Variants in AK6 observed in about 807,000 individuals in gnomAD.
AK6 encodes adenylate kinase isoenzyme 6.
AK6 carries 24 observed loss-of-function variants against 23.7 expected under a neutral mutation model. That is an observed-to-expected ratio of 1.01 (90% CI 0.73 to 1.43). AK6 has a LOEUF of 1.43. AK6 is among the 40% of genes most tolerant of loss of function. The pLI is 0.00. For synonymous variants in AK6, 73 were observed against 69.8 expected, an observed-to-expected ratio of 1.05 and a Z score of -0.23; for missense variants, 191 against 199.1, an observed-to-expected ratio of 0.96 and a Z score of 0.24.
intron 2 of AK6, among the ~76,000 whole-genome samples, chr5:69,363,214 C>G (rs938357633): frequency 1.3e-5 from 2 of 152,076 alleles, no homozygotes; most frequent in Non-Finnish European, 1.5e-5. Flanking sequence ...GGCAACAGAG[C>G]AAGACTCTGT....
intron 1 of AK6, chr5:69,366,946 A>G: frequency 4.7e-6 from 1 of 213,626 alleles, no homozygotes; most frequent in Non-Finnish European, 9.7e-6. Flanking sequence ...TTCAGTAGAG[A>G]CCGGGTTTCA....
upstream of AK6, chr5:69,369,642 C>G (rs771637150): frequency 6.4e-7 from 1 of 1,563,314 alleles, no homozygotes; most frequent in Non-Finnish European, 8.7e-7. Context: ...GGCCCAGCCG[C>G]GGCCCACTGG....
intron 1 of AK6, 91 bp from the exon 2 acceptor site, chr5:69,366,686 A>T: frequency 1.1e-5 from 11 of 969,954 alleles, no homozygotes; most frequent in Non-Finnish European, 1.6e-5. Flanking sequence ...TTTTTGAGAC[A>T]GAGTCTCACC....
Position 69,352,221 on chromosome 5 carries a change from A to G in AK6, c.359T>C (p.Ile120Thr). The G allele has an allele frequency of 6.2e-7, 1 of 1,613,580 alleles. No homozygotes were observed. The highest frequency in any genetic ancestry group is 8.5e-7 in the Non-Finnish European group (1 of 1,179,730). The change falls in exon 5 of 5, where the codon ATT becomes ACT. Residue 120 changes from isoleucine (I) to threonine (T), a missense_variant. Coordinates refer to ENST00000380822, the MANE Select transcript of AK6 (RefSeq NM_016283.5). ...AAGAACTTGAAAAATCTCACACTGA[A>G]TATTGTCTGTTAGTTTCTTCTCATT... Reference protein sequence around the residue: ...GYNEKKLTDNIQCEIFQVLYE... With the variant: ...GYNEKKLTDNTQCEIFQVLYE...
chr5:69,369,457 C>T lies in AK6; in HGVS notation c.28+6G>A. The T allele has an allele frequency of 6.2e-7, 1 of 1,610,518 alleles. No homozygotes were observed. The highest frequency in any genetic ancestry group is 1.1e-5 in the South Asian group (1 of 90,818). The stretch of plus-strand genomic sequence containing the variant: ...AGCCCAGTCCCTCCCGGCCGCGCGC[C>T]CTGACCGGTGAGCAGGATGTTCGGA... On this transcript the variant is annotated splice_donor_region_variant and intron_variant, in intron 1 of 4. Transcript: ENST00000380822.
In AK6 at chr5:69,351,965, CATG is replaced by C; in HGVS notation, c.*93_*95del. 1 of 1,089,486 alleles carries C rather than the reference CATG, an allele frequency of 9.2e-7. No individual in the cohort carries two copies. The highest frequency in any genetic ancestry group is 1.3e-6 in the Non-Finnish European group (1 of 772,286). The allele number at this position is 1,089,486 out of a possible 1,614,324, so 67.5% of individuals were successfully genotyped here. The stretch of plus-strand genomic sequence containing the variant: ...TACTATCCACCTGCTGGTTCTGCAA[CATG>C]ATTTTAATAAAGTGTTACTGACACT... On this transcript the variant is annotated 3_prime_UTR_variant, in exon 5 of 5. Coordinates refer to ENST00000380822, the MANE Select transcript of AK6 (RefSeq NM_016283.5).
upstream of AK6, chr5:69,369,627 C>T (rs1762785083): frequency 6.4e-7 from 1 of 1,570,410 alleles, no homozygotes. Flanking sequence ...CTAGCCTGCC[C>T]CGGCGGCCCA....
chr5:69,364,841 T>C, intron 2 of AK6: 1 of 1,011,898 alleles, frequency 9.9e-7, no homozygotes, highest in East Asian at 2.4e-5. Context: ...CTCATTATTA[T>C]TAGTTTTCTA....
intron 1 of AK6, chr5:69,369,243 C>CCCCCCCCCCCGCCCA: frequency 3.8e-6 from 1 of 261,300 alleles, no homozygotes; most frequent in South Asian, 1.2e-4. Context: ...CCCGCCCCCC[C>CCCCCCCCCCCGCCCA]CCGGAGCCTC....
intron 2 of AK6, among the ~76,000 whole-genome samples, chr5:69,359,594 G>A (rs979600186): frequency 6.6e-6 from 1 of 152,124 alleles, no homozygotes; most frequent in Non-Finnish European, 1.5e-5. Context: ...CTTCCCAGCT[G>A]CTGCTGTTTG....
chr5:69,354,493 G>T (rs925971623), intron 4 of AK6, among the ~76,000 whole-genome samples: 3 of 152,196 alleles, frequency 2.0e-5, no homozygotes, highest in Non-Finnish European at 4.4e-5. Flanking sequence ...AAATTCTGGA[G>T]CTTTCCTTTC....
intron 2 of AK6, among the ~76,000 whole-genome samples, chr5:69,359,264 G>A (rs985907003): frequency 2.0e-5 from 3 of 151,088 alleles, no homozygotes; most frequent in African/African-American, 7.3e-5. Flanking sequence ...TAAATTTTGA[G>A]ACAGAGTTTC....
intron 2 of AK6, among the ~76,000 whole-genome samples, chr5:69,363,379 G>GT (rs1477464355): frequency 6.6e-6 from 1 of 152,244 alleles, no homozygotes; most frequent in African/African-American, 2.4e-5. Flanking sequence ...TTGAGTGAAA[G>GT]TAACATTGGA....
chr5:69,359,664 A>G (rs1762177997), intron 2 of AK6, among the ~76,000 whole-genome samples: 2 of 152,208 alleles, frequency 1.3e-5, no homozygotes. Flanking sequence ...TATACACTCA[A>G]GTGAAAGCTG....
At chr5:69,355,519 A>T in intron 4 of AK6, 130 bp downstream of exon 4, 3 of 956,422 alleles carry the variant, frequency 3.1e-6, no homozygotes, top group South Asian at 1.9e-5. Flanking sequence ...TGACAGCGAG[A>T]CTCTATCTCA....
intron 2 of AK6, chr5:69,365,200 TG>T: frequency 6.2e-7 from 1 of 1,614,182 alleles, no homozygotes; most frequent in Non-Finnish European, 8.5e-7. Flanking sequence ...GTGAGGGACA[TG>T]GGAGTCCCTA....
chr5:69,352,478 C>CA (rs991886079), intron 4 of AK6, among the ~76,000 whole-genome samples: 26 of 151,662 alleles, frequency 1.7e-4, no homozygotes, highest in Non-Finnish European at 2.7e-4. Context: ...TTGAATTTCC[C>CA]CCCCCCACAA....
At chr5:69,355,581 G>A in intron 4 of AK6, 68 bp downstream of exon 4, 3 of 1,437,528 alleles carry the variant, frequency 2.1e-6, no homozygotes, top group African/African-American at 1.4e-5. Context: ...TTTTATCATG[G>A]CCAATTTCAG....
At chr5:69,356,026 C>T (rs1762076402) in intron 2 of AK6, 73 bp from the exon 3 acceptor site, 2 of 1,302,474 alleles carry the variant, frequency 1.5e-6, no homozygotes, top group Admixed American at 2.2e-5. Flanking sequence ...TAATTCTAGA[C>T]TTCAGGAAAG....
Sources: gnomAD v4.1 joint callset for allele counts (sites outside exome capture counted in the v4.1 genomes callset) on GRCh38, gnomAD v4.1.1 for gene constraint, MANE v1.5 for transcripts, NCBI Gene and HGNC (gene_info 2026-07-23, HGNC 2026-07-21) for gene names.